NUP93: variants seen among roughly 807,000 people sequenced by gnomAD.
NUP93 encodes the protein nuclear pore complex protein Nup93.
Under a neutral mutation model 107.8 loss-of-function variants are expected in NUP93, and 55 were observed. The observed-to-expected ratio is 0.51, with a 90% confidence interval of 0.41 to 0.64. The LOEUF (loss-of-function observed/expected upper bound fraction) is 0.64. NUP93 is among the 30% of genes least tolerant of loss of function. The pLI, the probability that NUP93 is intolerant of heterozygous loss-of-function variation, is 0.00. For missense variants in NUP93, 937 were observed against 1,044.7 expected (o/e 0.90, Z 1.42); for synonymous variants, 390 against 397.5 (o/e 0.98, Z 0.22).
intron 2 of NUP93, among the ~76,000 whole-genome samples, chr16:56,757,077 A>G (rs891098707): frequency 7.2e-5 from 11 of 152,204 alleles, no homozygotes; most frequent in African/African-American, 2.7e-4. Context: ...AAAAATCTAT[A>G]GGAAGGAACC....
chr16:56,833,131 C>A, intron 12 of NUP93, 84 bp from the exon 13 acceptor site: 1 of 1,222,160 alleles, frequency 8.2e-7, no homozygotes, highest in Non-Finnish European at 1.2e-6. Flanking sequence ...TGTGGGCTCA[C>A]AGGGCTGCTG....
intron 3 of NUP93, among the ~76,000 whole-genome samples, chr16:56,795,177 A>C (rs543368980): frequency 3.9e-5 from 6 of 152,140 alleles, no homozygotes; most frequent in African/African-American, 1.2e-4. Flanking sequence ...CGGCAGCCAC[A>C]AAAAGGTGCC....
chr16:56,785,346 T>G (rs1398608782), intron 3 of NUP93, among the ~76,000 whole-genome samples: 1 of 152,090 alleles, frequency 6.6e-6, no homozygotes, highest in African/African-American at 2.4e-5. Flanking sequence ...AGAGACCCAG[T>G]TTCTTCCTGC....
At chr16:56,822,442 G>T (rs114037767) in intron 7 of NUP93, among the ~76,000 whole-genome samples, 5 of 151,470 alleles carry the variant, frequency 3.3e-5, no homozygotes, top group African/African-American at 9.7e-5. Flanking sequence ...AGTCCGGGGG[G>T]GCCCAGGCTG....
intron 2 of NUP93, among the ~76,000 whole-genome samples, chr16:56,755,652 G>C (rs1460619998): frequency 6.6e-6 from 1 of 152,136 alleles, no homozygotes; most frequent in Non-Finnish European, 1.5e-5. Context: ...AAGGTGGGTG[G>C]ATCATTTGAG....
chr16:56,795,671 G>C (rs1962880842), intron 3 of NUP93, among the ~76,000 whole-genome samples: 1 of 118,986 alleles, frequency 8.4e-6, no homozygotes, highest in South Asian at 2.9e-4. Flanking sequence ...TATTTTTTGA[G>C]ATGGAGTATC....
intron 8 of NUP93, among the ~76,000 whole-genome samples, chr16:56,824,226 A>G (rs1490673218): frequency 6.6e-6 from 1 of 152,098 alleles, no homozygotes; most frequent in South Asian, 2.1e-4. Context: ...ACTCCCAGGC[A>G]TGTTACTACC....
intron 21 of NUP93, among the ~76,000 whole-genome samples, chr16:56,843,284 T>C (rs1233498986): frequency 6.6e-6 from 1 of 152,192 alleles, no homozygotes; most frequent in African/African-American, 2.4e-5. Flanking sequence ...TGTTTGTGAA[T>C]GTGAGTATTG....
At chr16:56,805,464 T>G in intron 4 of NUP93, 40 bp from the exon 5 acceptor site, 1 of 1,606,450 alleles carries the variant, frequency 6.2e-7, no homozygotes, top group Non-Finnish European at 8.5e-7. Flanking sequence ...TTTTTTTGTT[T>G]TTTTCCTGAG....
chr16:56,818,311 C>T (rs538917645), intron 5 of NUP93, among the ~76,000 whole-genome samples: 6 of 152,270 alleles, frequency 3.9e-5, no homozygotes, highest in African/African-American at 1.4e-4. Context: ...AATGGCCTCA[C>T]TAGTGTGAAG....
intron 1 of NUP93, among the ~76,000 whole-genome samples, chr16:56,741,157 A>G (rs1219751244): frequency 6.6e-6 from 1 of 152,240 alleles, no homozygotes; most frequent in African/African-American, 2.4e-5. Context: ...AGAAGTTCTT[A>G]CTTAATGATA....
intron 1 of NUP93, among the ~76,000 whole-genome samples, chr16:56,731,525 G>A (rs1220978524): frequency 7.3e-5 from 11 of 151,282 alleles, no homozygotes; most frequent in Non-Finnish European, 1.2e-4. Flanking sequence ...CTCCTACTTC[G>A]GCCTCCCAAG....
At chr16:56,783,663 C>T in intron 3 of NUP93, 1 of 985,400 alleles carries the variant, frequency 1.0e-6, no homozygotes, top group Non-Finnish European at 1.2e-6. Flanking sequence ...GAAAATGTCT[C>T]AGCCACCATT....
At chr16:56,733,214 A>G (rs939766965) in intron 1 of NUP93, among the ~76,000 whole-genome samples, 3 of 152,146 alleles carry the variant, frequency 2.0e-5, no homozygotes, top group African/African-American at 4.8e-5. Context: ...TGTCTGTTCT[A>G]TGGAGAGCAC....
At chr16:56,832,807 T>C (rs1963823536) in intron 12 of NUP93, among the ~76,000 whole-genome samples, 1 of 152,210 alleles carries the variant, frequency 6.6e-6, no homozygotes, top group Non-Finnish European at 1.5e-5. Flanking sequence ...GGTTACCAGT[T>C]GTTGCATTCA....
At chr16:56,799,920 C>T (rs571993551) in intron 4 of NUP93, among the ~76,000 whole-genome samples, 10 of 152,164 alleles carry the variant, frequency 6.6e-5, no homozygotes, top group East Asian at 1.9e-4. Context: ...CAGTGGCTCA[C>T]GCCTGTAATC....
chr16:56,821,339 C>G (rs1221873960), intron 6 of NUP93, among the ~76,000 whole-genome samples, 165 bp from the exon 7 acceptor site: 1 of 152,162 alleles, frequency 6.6e-6, no homozygotes, highest in Non-Finnish European at 1.5e-5. Flanking sequence ...TGGTGTGTTA[C>G]CCACAACCCC....
intron 3 of NUP93, among the ~76,000 whole-genome samples, chr16:56,774,574 C>G (rs909122199): frequency 6.6e-6 from 1 of 152,178 alleles, no homozygotes; most frequent in Admixed American, 6.5e-5. Flanking sequence ...CTAAATCAGT[C>G]TGCATATTTG....
Position 56,844,481 on chromosome 16 carries a change from C to T in NUP93, c.2350-18C>T. 1 of 1,395,728 alleles carries T rather than the reference C, an allele frequency of 7.2e-7. No individual in the cohort carries two copies. The highest frequency in any genetic ancestry group is 9.5e-7 in the Non-Finnish European group (1 of 1,051,848). 86.5% of individuals were successfully genotyped at this position (1,395,728 alleles called of 1,614,324 possible). A position where few individuals can be genotyped will look rare whatever the true frequency, so the allele number is the denominator to read the frequency against. On this transcript the variant is annotated intron_variant, in intron 21 of 21. Transcript: ENST00000308159. Reference sequence around the variant, plus strand: ...GAAAGTTAACCGATTTCCTTCCCTTCCTTCCCTTCTCTCTCAGCAACTCCG... The same window carrying T: ...GAAAGTTAACCGATTTCCTTCCCTTTCTTCCCTTCTCTCTCAGCAACTCCG...
Sources: allele counts gnomAD v4.1 joint callset (sites outside exome capture counted in the v4.1 genomes callset), GRCh38; gene constraint gnomAD v4.1.1; transcripts MANE v1.5; gene names NCBI Gene and HGNC (gene_info 2026-07-23, HGNC 2026-07-21).